SERGEF: variants seen among roughly 807,000 people sequenced by gnomAD.
The protein encoded by SERGEF is secretion-regulating guanine nucleotide exchange factor.
A neutral mutation model predicts 50.0 loss-of-function variants in SERGEF; 51 were observed. The observed-to-expected ratio is 1.02, with a 90% confidence interval of 0.81 to 1.29. The LOEUF is 1.29. Ranked by LOEUF, SERGEF falls within the 50% of genes most tolerant of loss-of-function variation. The pLI is 0.00. For synonymous variants in SERGEF, 205 were observed against 212.4 expected (o/e 0.97, Z 0.30); for missense variants, 521 against 557.0 (o/e 0.94, Z 0.65).
intron 7 of SERGEF, among the ~76,000 whole-genome samples, chr11:17,990,277 G>A (rs1244464395): frequency 6.6e-6 from 1 of 152,134 alleles, no homozygotes; most frequent in Non-Finnish European, 1.5e-5. Context: ...CACATTCTAG[G>A]TCTGTTTCCT....
chr11:17,803,203 G>A, intron 10 of SERGEF, among the ~76,000 whole-genome samples: 1 of 152,252 alleles, frequency 6.6e-6, no homozygotes, highest in Non-Finnish European at 1.5e-5. Context: ...TAGGGTGGCT[G>A]CAGCCTCAGT....
Position 17,988,755 on chromosome 11 carries a change from T to C in SERGEF, c.686A>G (p.Asp229Gly), listed in dbSNP as rs1294933012. 1 of 1,613,504 alleles carries C rather than the reference T, an allele frequency of 6.2e-7. No homozygotes were observed. The highest frequency in any genetic ancestry group is 1.7e-5 in the Admixed American group (1 of 59,940). ...AGSDHSASLT[D>G]AGEVYVWGSN... ...TCCCCAAACATACACCTCTCCTGCA[T>C]CTTAAACAAACAGAAGGGTAACAAA... Residue 229 changes from aspartate to glycine, a missense_variant and splice_region_variant, in exon 8 of 11, where the codon GAT becomes GGT. Coordinates refer to ENST00000265965, the MANE Select transcript of SERGEF (RefSeq NM_012139.4).
intron 10 of SERGEF, among the ~76,000 whole-genome samples, chr11:17,852,750 T>C (rs1850736491): frequency 6.6e-6 from 1 of 152,220 alleles, no homozygotes; most frequent in Non-Finnish European, 1.5e-5. Context: ...AATTTATTCA[T>C]CTGATCCTCA....
chr11:17,893,493 A>G (rs1197199659), intron 9 of SERGEF, among the ~76,000 whole-genome samples: 1 of 152,162 alleles, frequency 6.6e-6, no homozygotes, highest in African/African-American at 2.4e-5. Context: ...CACTCTTTTC[A>G]TATCATGGGG....
intron 9 of SERGEF, chr11:17,926,923 C>A (rs913355740): frequency 2.2e-6 from 1 of 447,252 alleles, no homozygotes; most frequent in Non-Finnish European, 4.5e-6. Flanking sequence ...TGCAGACTGT[C>A]TGCTCCTATG....
intron 10 of SERGEF, among the ~76,000 whole-genome samples, chr11:17,870,559 C>T (rs1851120564): frequency 6.6e-6 from 1 of 152,140 alleles, no homozygotes; most frequent in Admixed American, 6.5e-5. Flanking sequence ...AAGTGAGACC[C>T]ATCTTAGATT....
At chr11:17,933,768 G>A (rs989043339) in intron 9 of SERGEF, among the ~76,000 whole-genome samples, 15 of 151,900 alleles carry the variant, frequency 9.9e-5, no homozygotes, top group African/African-American at 3.6e-4. Flanking sequence ...TGGGCAAGTA[G>A]GAAAACTGGA....
intron 7 of SERGEF, among the ~76,000 whole-genome samples, chr11:17,990,595 A>G (rs1276891900): frequency 6.6e-6 from 1 of 152,186 alleles, no homozygotes; most frequent in Non-Finnish European, 1.5e-5. Context: ...TTGAAAGTCA[A>G]ACTGTCTTCC....
At chr11:17,942,710 T>C (rs920369998) in intron 9 of SERGEF, among the ~76,000 whole-genome samples, 1 of 152,110 alleles carries the variant, frequency 6.6e-6, no homozygotes, top group East Asian at 1.9e-4. Flanking sequence ...ATACATTAAA[T>C]TTTTCACCAT....
intron 10 of SERGEF, among the ~76,000 whole-genome samples, chr11:17,796,178 T>C (rs1003048177): frequency 6.6e-6 from 1 of 152,122 alleles, no homozygotes; most frequent in African/African-American, 2.4e-5. Flanking sequence ...TTAAAAATAA[T>C]AGTATTTCCA....
chr11:17,894,288 GAGA>G (rs1485752057), intron 9 of SERGEF, among the ~76,000 whole-genome samples: 2 of 152,142 alleles, frequency 1.3e-5, no homozygotes, highest in Non-Finnish European at 1.5e-5. Flanking sequence ...AAGGAGAGAG[GAGA>G]AGAAGAAAAG....
At chr11:17,830,570 G>T (rs562026394) in intron 10 of SERGEF, among the ~76,000 whole-genome samples, 1 of 150,130 alleles carries the variant, frequency 6.7e-6, no homozygotes, top group African/African-American at 2.5e-5. Flanking sequence ...GAGAGGAAGA[G>T]AGGGAGAGAG....
intron 10 of SERGEF, among the ~76,000 whole-genome samples, chr11:17,875,121 C>A (rs748165095): frequency 6.6e-6 from 1 of 152,194 alleles, no homozygotes; most frequent in Non-Finnish European, 1.5e-5. Flanking sequence ...AATCTGGATC[C>A]AGGCAATCTG....
intron 10 of SERGEF, 89 bp downstream of exon 10, chr11:17,878,119 G>A (rs559325452): frequency 2.1e-4 from 198 of 932,450 alleles, no homozygotes; most frequent in African/African-American, 3.0e-4. Flanking sequence ...ATGAGTGCAC[G>A]CACCATGGCT....
At chr11:17,892,851 A>G (rs527305637) in intron 9 of SERGEF, among the ~76,000 whole-genome samples, 5 of 152,086 alleles carry the variant, frequency 3.3e-5, no homozygotes, top group Non-Finnish European at 7.4e-5. Flanking sequence ...ATACCACTGC[A>G]CTCCAGCCTG....
intron 9 of SERGEF, among the ~76,000 whole-genome samples, chr11:17,883,093 C>A (rs185100468): frequency 6.6e-6 from 1 of 152,062 alleles, no homozygotes; most frequent in African/African-American, 2.4e-5. Flanking sequence ...CCTCAGCCTG[C>A]GAAGTCAGAG....
At position 17,867,641 on chromosome 11, in the gene SERGEF, G is replaced by A. The variant is rs150654377; in HGVS notation, c.1048+10567C>T. Among the ~76,000 whole-genome samples the A allele has an allele frequency of 1.3e-3, 198 of 152,298 alleles. 1 individual carries two copies. The highest frequency in any genetic ancestry group is 4.6e-3 in the African/African-American group (192 of 41,568). On this transcript the variant is annotated intron_variant, in intron 10 of 10. Transcript: ENST00000265965. ...GCCCCAGTAGGGAGTCTGTGTCGGG[G>A]CTCTGACCCCACATTTCCCTTCCAC...
At chr11:17,792,265 C>T (rs1485761862) in intron 10 of SERGEF, among the ~76,000 whole-genome samples, 1 of 152,230 alleles carries the variant, frequency 6.6e-6, no homozygotes, top group Non-Finnish European at 1.5e-5. Flanking sequence ...AACCCCAGGC[C>T]ACATCTCCTA....
intron 3 of SERGEF, 126 bp downstream of exon 3, chr11:18,006,465 C>T (rs1854076629): frequency 9.6e-6 from 9 of 939,212 alleles, no homozygotes; most frequent in African/African-American, 5.0e-5. Flanking sequence ...TGTGAGCCAC[C>T]GCACCAGGCC....
Sources: allele counts gnomAD v4.1 joint callset (sites outside exome capture counted in the v4.1 genomes callset), GRCh38; gene constraint gnomAD v4.1.1; transcripts MANE v1.5; gene names NCBI Gene and HGNC (gene_info 2026-07-23, HGNC 2026-07-21).